Variants in PKD1L3 observed in about 807,000 individuals in gnomAD.
The protein encoded by PKD1L3 is polycystin 1 like 3, transient receptor potential channel interacting, also known as polycystin-1-like protein 3.
PKD1L3 carries 239 observed loss-of-function variants against 184.1 expected under a neutral mutation model. The ratio of observed to expected loss-of-function variants is 1.30; its 90% CI spans 1.17 to 1.45. The LOEUF is 1.45. Ranked by LOEUF, PKD1L3 falls within the 40% of genes most tolerant of loss-of-function variation. PKD1L3 has a pLI of 0.00. For missense variants in PKD1L3, 2,660 were observed against 2,067.2 expected, an observed-to-expected ratio of 1.29 and a Z score of -5.56; for synonymous variants, 996 against 778.8, an observed-to-expected ratio of 1.28 and a Z score of -4.64.
chr16:71,961,551 C>G (rs2143512581), intron 16 of PKD1L3, among the ~76,000 whole-genome samples: 1 of 129,020 alleles, frequency 7.8e-6, no homozygotes, highest in East Asian at 2.1e-4. Flanking sequence ...TTGAGGTTGC[C>G]ACGCAGAAGC....
chr16:71,943,131 G>T, intron 23 of PKD1L3, 107 bp from the exon 24 acceptor site: 1 of 810,744 alleles, frequency 1.2e-6, no homozygotes, highest in Non-Finnish European at 1.9e-6. Context: ...GTCAAAACCA[G>T]TCAAAAACTG....
In PKD1L3 at chr16:71,933,466, G is replaced by A. The variant is rs1162224146; in HGVS notation, c.4880C>T (p.Ala1627Val). The change falls in exon 28 of 30, where the codon GCA becomes GTA. Residue 1627 changes from alanine to valine, a missense_variant. Ala to Val is a moderately conservative substitution (Grantham distance 64, BLOSUM62 0). Coordinates refer to ENST00000620267, the MANE Select transcript of PKD1L3 (RefSeq NM_181536.2). Reference sequence around the variant, plus strand: ...CATCAGGAGACCAACAACAGTCACTGCTGAGCTGAAAAATGTCCGGTAGTC... The same window carrying A: ...CATCAGGAGACCAACAACAGTCACTACTGAGCTGAAAAATGTCCGGTAGTC... ...ISDYRTFFSSAVTVVGLLMGI... is the reference protein window; with the variant it reads ...ISDYRTFFSSVVTVVGLLMGI... The A allele has an allele frequency of 3.9e-6, 6 of 1,551,394 alleles. No homozygotes were observed. Among genetic ancestry groups the A allele is most frequent in the East Asian group, 4.9e-5 (2 of 40,936 alleles).
intron 6 of PKD1L3, among the ~76,000 whole-genome samples, chr16:71,982,724 G>C (rs536507439): frequency 3.0e-4 from 45 of 152,164 alleles, no homozygotes; most frequent in Non-Finnish European, 6.0e-4. Context: ...AGCCTCCCCA[G>C]TAGCTAGGAC....
intron 3 of PKD1L3, 32 bp downstream of exon 3, chr16:71,993,184 T>G: frequency 7.0e-7 from 1 of 1,422,850 alleles, no homozygotes. Flanking sequence ...ATTCCACGGA[T>G]TTTTAAGGTT....
Position 71,933,444 on chromosome 16 carries a change from C to A in PKD1L3, c.4902G>T (p.Leu1634=). Residue 1634 remains leucine (L), a synonymous_variant, in exon 28 of 30, where the codon CTG becomes CTT. Coordinates refer to ENST00000620267, the MANE Select transcript of PKD1L3 (RefSeq NM_181536.2). ...CCTCCTCTTGGTGAGAAATTCCCAT[C>A]AGGAGACCAACAACAGTCACTGCTG... ...FSSAVTVVGL[L]MGISHQEEVF... 3 of 1,549,092 alleles carry A rather than the reference C, an allele frequency of 1.9e-6. No homozygotes were observed. Among genetic ancestry groups the A allele is most frequent in the Non-Finnish European group, 2.6e-6 (3 of 1,144,574 alleles).
chr16:71,955,797 C>T (rs1241096245), intron 16 of PKD1L3, among the ~76,000 whole-genome samples: 1 of 152,088 alleles, frequency 6.6e-6, no homozygotes, highest in African/African-American at 2.4e-5. Context: ...CTCACAAGAC[C>T]TGATGGTTTT....
At chr16:71,981,912 G>A (rs1248187354) in intron 7 of PKD1L3, 147 bp downstream of exon 7, 2 of 875,178 alleles carry the variant, frequency 2.3e-6, no homozygotes, top group Non-Finnish European at 3.3e-6. Context: ...GGGAGACCTT[G>A]GAGAAGGCAT....
At chr16:71,985,364 G>GA (rs953243266) in intron 5 of PKD1L3, among the ~76,000 whole-genome samples, 4 of 151,694 alleles carry the variant, frequency 2.6e-5, no homozygotes, top group African/African-American at 7.3e-5. Flanking sequence ...TGAGTTTAGG[G>GA]AAAAAAAAGC....
At chr16:71,993,154 C>T (rs951629660) in intron 3 of PKD1L3, 62 bp downstream of exon 3, 4 of 1,176,270 alleles carry the variant, frequency 3.4e-6, no homozygotes, top group Non-Finnish European at 4.8e-6. Flanking sequence ...CAGTCTTGTG[C>T]ATTCTTTTAG....
chr16:71,981,964 A>G (rs2040175697), intron 7 of PKD1L3, 95 bp downstream of exon 7: 3 of 1,272,702 alleles, frequency 2.4e-6, no homozygotes, highest in Non-Finnish European at 3.1e-6. Context: ...CAGCAAGATT[A>G]TCTTTAAAGG....
chr16:71,952,703 T>C (rs1439961996), intron 18 of PKD1L3, among the ~76,000 whole-genome samples, 191 bp downstream of exon 18: 1 of 151,868 alleles, frequency 6.6e-6, no homozygotes, highest in African/African-American at 2.4e-5. Context: ...AGACATGGTG[T>C]CACATGCCTG....
intron 28 of PKD1L3, among the ~76,000 whole-genome samples, chr16:71,932,116 G>C (rs943000409): frequency 6.6e-6 from 1 of 152,172 alleles, no homozygotes; most frequent in African/African-American, 2.4e-5. Context: ...GGGATTGGTT[G>C]AATCTGTGGA....
chr16:71,935,216 TG>T, intron 26 of PKD1L3, 141 bp downstream of exon 26: 1 of 863,130 alleles, frequency 1.2e-6, no homozygotes, highest in Non-Finnish European at 1.7e-6. Context: ...TTCTCTGCTG[TG>T]GACATGAGTC....
chr16:71,989,226 C>G (rs1462845029), intron 4 of PKD1L3, among the ~76,000 whole-genome samples: 1 of 152,210 alleles, frequency 6.6e-6, no homozygotes, highest in African/African-American at 2.4e-5. Flanking sequence ...ACAATCTTGG[C>G]CCACTGCAAA....
At chr16:71,991,720 A>G in intron 3 of PKD1L3, among the ~76,000 whole-genome samples, 1 of 152,380 alleles carries the variant, frequency 6.6e-6, no homozygotes, top group African/African-American at 2.4e-5. Flanking sequence ...CATACGTAGG[A>G]TATTCTTGAT....
intron 18 of PKD1L3, 41 bp downstream of exon 18, chr16:71,952,853 G>T: frequency 1.3e-6 from 2 of 1,506,674 alleles, no homozygotes; most frequent in Non-Finnish European, 1.8e-6. Flanking sequence ...AAACAAGCAG[G>T]CAATAAAATA....
chr16:71,982,802 C>T (rs569887436), intron 6 of PKD1L3, among the ~76,000 whole-genome samples: 8 of 152,036 alleles, frequency 5.3e-5, no homozygotes, highest in Non-Finnish European at 1.0e-4. Context: ...CTGTATTGCC[C>T]AGGCTGGTCT....
At position 71,934,137 on chromosome 16, in the gene PKD1L3, A is replaced by C; in HGVS notation, c.4614-12T>G. On this transcript the variant is annotated splice_polypyrimidine_tract_variant and intron_variant, in intron 26 of 29. Transcript: ENST00000620267. ...AGAAGCTGATGAATCTGCACCAAGGAAAGCTGACAGTTACTCAGCAAGAAG... is the reference window on the plus strand; with the variant it reads ...AGAAGCTGATGAATCTGCACCAAGGCAAGCTGACAGTTACTCAGCAAGAAG... 1.1e-5 allele frequency: 17 copies of C among 1,551,410 alleles called. No individual in the cohort carries two copies. The highest frequency in any genetic ancestry group is 1.4e-5 in the Non-Finnish European group (16 of 1,146,824).
intron 6 of PKD1L3, among the ~76,000 whole-genome samples, chr16:71,982,683 A>T (rs1315373088): frequency 2.6e-5 from 4 of 151,910 alleles, no homozygotes; most frequent in African/African-American, 7.3e-5. Context: ...TGCAGCCTCG[A>T]ACTTCTGGAC....
Sources: allele counts gnomAD v4.1 joint callset (sites outside exome capture counted in the v4.1 genomes callset), GRCh38; gene constraint gnomAD v4.1.1; transcripts MANE v1.5; gene names NCBI Gene and HGNC (gene_info 2026-07-23, HGNC 2026-07-21).